Variants in PCDHGA10 observed in about 807,000 individuals in gnomAD.
PCDHGA10 encodes the protein protocadherin gamma-A10.
A neutral mutation model predicts 59.5 loss-of-function variants in PCDHGA10; 42 were observed. The ratio of observed to expected loss-of-function variants is 0.71; its 90% CI spans 0.55 to 0.91. The LOEUF (loss-of-function observed/expected upper bound fraction) is 0.91. Among genes scored for constraint, PCDHGA10 ranks in the 40% least tolerant of loss-of-function variants. The pLI is 0.00. For missense variants in PCDHGA10, 1,111 were observed against 1,198.2 expected, an observed-to-expected ratio of 0.93 and a Z score of 1.07; for synonymous variants, 511 against 517.2, an observed-to-expected ratio of 0.99 and a Z score of 0.16.
Position 141,431,485 on chromosome 5 carries a change from T to G in PCDHGA10, c.2436+15874T>G. 2 of 1,613,924 alleles carry G rather than the reference T, an allele frequency of 1.2e-6. No individual in the cohort carries two copies. Among genetic ancestry groups the G allele is most frequent in the Non-Finnish European group, 1.7e-6 (2 of 1,179,990 alleles). ...ATGCGAACGACAACGCACCAGCGTTTGCTCAGCCCGAGTACCGCGCGAGCG... is the reference window on the plus strand; with the variant it reads ...ATGCGAACGACAACGCACCAGCGTTGGCTCAGCCCGAGTACCGCGCGAGCG... On this transcript the variant is annotated intron_variant, in intron 1 of 3. Coordinates refer to ENST00000398610, the MANE Select transcript of PCDHGA10 (RefSeq NM_018913.3). This position sits in a 1 kb window ranked among gnomAD's most constrained non-coding sequence, Gnocchi z 4.8.
Position 141,511,202 on chromosome 5 carries a change from C to A in PCDHGA10, c.*29C>A. On this transcript the variant is annotated 3_prime_UTR_variant, in exon 4 of 4. Transcript: ENST00000398610. ...GGAGGCCAGGCCAAGAGCCACAGGG[C>A]GGCCTCTCCCCAACCAGCCCAGCTT... The A allele has an allele frequency of 6.2e-7, 1 of 1,612,136 alleles. No individual in the cohort carries two copies.
chr5:141,478,911 T>TA, intron 1 of PCDHGA10: 1 of 871,162 alleles, frequency 1.1e-6, no homozygotes, highest in Non-Finnish European at 1.7e-6. Flanking sequence ...AGCTGCTGGA[T>TA]ACCTCTAACC....
At position 141,489,635 on chromosome 5, in the gene PCDHGA10, G is replaced by A. The variant is rs1380466520; in HGVS notation, c.2437-5172G>A. On this transcript the variant is annotated intron_variant, in intron 1 of 3. Coordinates refer to ENST00000398610, the MANE Select transcript of PCDHGA10 (RefSeq NM_018913.3). The surrounding 1 kb of genome is among the most constrained non-coding windows in gnomAD (Gnocchi z 4.5). Reference sequence around the variant, plus strand: ...CTGGATCTCAATGACAACTCTCCTAGCTTTGCCACCCCTGAGCGAGAGATG... The same window carrying A: ...CTGGATCTCAATGACAACTCTCCTAACTTTGCCACCCCTGAGCGAGAGATG... 6.2e-7 allele frequency: 1 copy of A among 1,614,142 alleles called. No individual in the cohort carries two copies. The highest frequency in any genetic ancestry group is 8.5e-7 in the Non-Finnish European group (1 of 1,180,012).
At chr5:141,457,573 C>T (rs934685938) in intron 1 of PCDHGA10, among the ~76,000 whole-genome samples, 3 of 152,206 alleles carry the variant, frequency 2.0e-5, no homozygotes, top group Non-Finnish European at 4.4e-5. Flanking sequence ...CAAAATTTTT[C>T]TCTCCAGTCC....
Position 141,418,518 on chromosome 5 carries a change from C to G in PCDHGA10, c.2436+2907C>G. Reference sequence around the variant, plus strand: ...CTGACCGCCTTAGATGGTGGGGACCCTCCCCGAAGCGGTACTGCTCAGATA... The same window carrying G: ...CTGACCGCCTTAGATGGTGGGGACCGTCCCCGAAGCGGTACTGCTCAGATA... On this transcript the variant is annotated intron_variant, in intron 1 of 3. Coordinates refer to ENST00000398610, the MANE Select transcript of PCDHGA10 (RefSeq NM_018913.3). The G allele has an allele frequency of 2.5e-6, 4 of 1,613,986 alleles. 1 individual carries two copies.
rs768990626 is a variant in PCDHGA10, at chr5:141,427,590, C to T, written c.2436+11979C>T. On this transcript the variant is annotated intron_variant, in intron 1 of 3. Coordinates refer to ENST00000398610, the MANE Select transcript of PCDHGA10 (RefSeq NM_018913.3). ...GCCTCCGCTCTCATCCAGCACAAGCCTCACCCTACGCATTGGTGAAGTCAA... is the reference window on the plus strand; with the variant it reads ...GCCTCCGCTCTCATCCAGCACAAGCTTCACCCTACGCATTGGTGAAGTCAA... 44 of 678,892 alleles carry T rather than the reference C, an allele frequency of 6.5e-5. No individual in the cohort carries two copies. In the Admixed American group the frequency reaches 8.5e-4, roughly 13 times the overall value. The allele number at this position is 678,892 out of a possible 1,614,324, so 42.1% of individuals were successfully genotyped here.
intron 1 of PCDHGA10, chr5:141,441,330 C>T (rs919906372): frequency 8.5e-5 from 13 of 152,170 alleles, no homozygotes; most frequent in Admixed American, 1.3e-4. Context: ...AATCTTCCTC[C>T]AATAATTAAC....
chr5:141,471,404 TTA>T (rs1320685792), intron 1 of PCDHGA10: 3 of 152,170 alleles, frequency 2.0e-5, no homozygotes, highest in Non-Finnish European at 4.4e-5. Flanking sequence ...GTAGCTAGGC[TTA>T]GTTATGTTTT....
At position 141,490,132 on chromosome 5, in the gene PCDHGA10, A is replaced by C. The variant is rs1245562757; in HGVS notation, c.2437-4675A>C. On this transcript the variant is annotated intron_variant, in intron 1 of 3. Coordinates refer to ENST00000398610, the MANE Select transcript of PCDHGA10 (RefSeq NM_018913.3). This position sits in a 1 kb window ranked among gnomAD's most constrained non-coding sequence, Gnocchi z 5.4. ...GCGGAACCTCTTTGGCCTAGACCCT[A>C]GCAGTGGGGCAATCCATGTGTTGGG... 6.2e-7 allele frequency: 1 copy of C among 1,614,220 alleles called. No individual in the cohort carries two copies. Among genetic ancestry groups the C allele is most frequent in the South Asian group, 1.1e-5 (1 of 91,088 alleles).
At chr5:141,452,954 T>A (rs1315313825) in intron 1 of PCDHGA10, among the ~76,000 whole-genome samples, 5 of 152,220 alleles carry the variant, frequency 3.3e-5, no homozygotes, top group Non-Finnish European at 1.5e-5. Context: ...ATTGGTTGTC[T>A]TTAAACTGAG....
At position 141,449,665 on chromosome 5, in the gene PCDHGA10, G is replaced by T. The variant is rs144213743; in HGVS notation, c.2436+34054G>T. 9.3e-5 allele frequency among the ~76,000 whole-genome samples: 14 copies of T among 150,156 alleles called. No individual in the cohort carries two copies. In the East Asian group the frequency reaches 2.7e-3, roughly 29 times the overall value. Reference sequence around the variant, plus strand: ...TATACATATTTACATACACACCCAAGTGTGTATGTATATATGTTTGTGTGT... The same window carrying T: ...TATACATATTTACATACACACCCAATTGTGTATGTATATATGTTTGTGTGT... On this transcript the variant is annotated intron_variant, in intron 1 of 3. Coordinates refer to ENST00000398610, the MANE Select transcript of PCDHGA10 (RefSeq NM_018913.3).
Position 141,476,511 on chromosome 5 carries a change from A to G in PCDHGA10, c.2437-18296A>G, listed in dbSNP as rs1562054650. Reference sequence around the variant, plus strand: ...GTGATCCAGGACATCAACGACAACAATCCTGCTTTCCCTACCCAGGAAATG... The same window carrying G: ...GTGATCCAGGACATCAACGACAACAGTCCTGCTTTCCCTACCCAGGAAATG... On this transcript the variant is annotated intron_variant, in intron 1 of 3. Transcript: ENST00000398610. The surrounding 1 kb of genome is among the most constrained non-coding windows in gnomAD (Gnocchi z 7.6). The G allele has an allele frequency of 5.0e-6, 8 of 1,613,902 alleles. No individual in the cohort carries two copies. The highest frequency in any genetic ancestry group is 6.8e-6 in the Non-Finnish European group (8 of 1,179,960).
At chr5:141,419,807 G>A in intron 1 of PCDHGA10, 2 of 1,614,074 alleles carry the variant, frequency 1.2e-6, no homozygotes, top group South Asian at 1.1e-5. Flanking sequence ...AAGAGATGGA[G>A]GACAGCCACC....
At chr5:141,433,364 T>C (rs1246641841) in intron 1 of PCDHGA10, 1 of 524,614 alleles carries the variant, frequency 1.9e-6, no homozygotes, top group Admixed American at 3.5e-5. Context: ...TCTGCCTATC[T>C]ATCTATCTAT....
rs770596172 is a variant in PCDHGA10, at chr5:141,487,664, G to A, written c.2437-7143G>A. ...AATGCTTGAGGGTTATTCTGATCCA[G>A]GCATATGGCTAGGCCATGTCCTAGA... On this transcript the variant is annotated intron_variant, in intron 1 of 3. Transcript: ENST00000398610. The surrounding 1 kb of genome is among the most constrained non-coding windows in gnomAD (Gnocchi z 5.0). 1.9e-5 allele frequency: 31 copies of A among 1,613,048 alleles called. No individual in the cohort carries two copies. The South Asian group carries it at 3.4e-4, about 18-fold the overall frequency.
At chr5:141,494,736 T>C in intron 1 of PCDHGA10, 71 bp from the exon 2 acceptor site, 1 of 1,611,858 alleles carries the variant, frequency 6.2e-7, no homozygotes, top group Non-Finnish European at 8.5e-7. Context: ...TCCCGGCCCA[T>C]CCCTAGGGGC....
At chr5:141,450,729 C>T (rs370122389) in intron 1 of PCDHGA10, among the ~76,000 whole-genome samples, 3 of 152,048 alleles carry the variant, frequency 2.0e-5, no homozygotes, top group Non-Finnish European at 2.9e-5. Context: ...TCAGGTGATC[C>T]GCCCGCCTTG....
At chr5:141,427,426 C>G (rs569185252) in intron 1 of PCDHGA10, 1 of 469,896 alleles carries the variant, frequency 2.1e-6, no homozygotes, top group Admixed American at 2.3e-5. Flanking sequence ...GGGGAGGTTA[C>G]ATGCCTCATA....
At chr5:141,461,354 C>T (rs1189322704) in intron 1 of PCDHGA10, among the ~76,000 whole-genome samples, 2 of 152,054 alleles carry the variant, frequency 1.3e-5, no homozygotes, top group Non-Finnish European at 2.9e-5. Context: ...GGTGGTAGCT[C>T]GTTGTGGTTT....
Sources: gnomAD v4.1 joint callset for allele counts (sites outside exome capture counted in the v4.1 genomes callset) on GRCh38, gnomAD v4.1.1 for gene constraint, Gnocchi (gnomAD v3.1) non-coding constraint, MANE v1.5 for transcripts, NCBI Gene and HGNC (gene_info 2026-07-23, HGNC 2026-07-21) for gene names.